The following FAM107B variants were observed in gnomAD, a reference collection of about 807,000 sequenced individuals.
The protein encoded by FAM107B is family with sequence similarity 107 member B.
Under a neutral mutation model 31.5 loss-of-function variants are expected in FAM107B, and 21 were observed. The ratio of observed to expected loss-of-function variants is 0.67; its 90% CI spans 0.47 to 0.96. The LOEUF (loss-of-function observed/expected upper bound fraction) is 0.96, where lower values mean the gene tolerates loss of function less well. FAM107B is among the 40% of genes least tolerant of loss of function. The pLI is 0.00. For missense variants in FAM107B, 452 were observed against 377.1 expected (o/e 1.20, Z -1.64); for synonymous variants, 157 against 141.5 (o/e 1.11, Z -0.78).
chr10:14,568,674 G>A (rs1386435773), intron 2 of FAM107B, among the ~76,000 whole-genome samples: 1 of 152,266 alleles, frequency 6.6e-6, no homozygotes, highest in Non-Finnish European at 1.5e-5. Context: ...TCGGGTAGGA[G>A]AAGGGTGGCT....
At chr10:14,700,415 T>G (rs982766649) in intron 1 of FAM107B, among the ~76,000 whole-genome samples, 1 of 152,132 alleles carries the variant, frequency 6.6e-6, no homozygotes, top group African/African-American at 2.4e-5. Context: ...CAGGAAATCG[T>G]TGTCACCATG....
At chr10:14,714,731 GACTTC>G (rs959802402) in intron 1 of FAM107B, among the ~76,000 whole-genome samples, 2 of 152,218 alleles carry the variant, frequency 1.3e-5, no homozygotes, top group African/African-American at 4.8e-5. Flanking sequence ...TAAAAGGGAT[GACTTC>G]ACTTGGAAAA....
At chr10:14,584,457 T>C (rs745991719) in intron 2 of FAM107B, among the ~76,000 whole-genome samples, 2 of 152,140 alleles carry the variant, frequency 1.3e-5, no homozygotes, top group African/African-American at 2.4e-5. Context: ...ATTTTCACCA[T>C]AAACAAAAAA....
At position 14,722,886 on chromosome 10, in the gene FAM107B, G is replaced by T. The variant is rs912024952; in HGVS notation, c.411+51367C>A. On this transcript the variant is annotated intron_variant, in intron 1 of 4. Coordinates refer to ENST00000181796, the MANE Select transcript of FAM107B (RefSeq NM_031453.4). ...TGGGTGTCATATCTCAGAAACCATT[G>T]CCTAATCCAAGGTCATGAAGACTTA... 5.9e-5 allele frequency among the ~76,000 whole-genome samples: 9 copies of T among 151,986 alleles called. No individual in the cohort carries two copies. The East Asian group carries it at 1.7e-3, about 29-fold the overall frequency.
intron 2 of FAM107B, among the ~76,000 whole-genome samples, chr10:14,603,768 G>A (rs1201146850): frequency 6.6e-6 from 1 of 152,088 alleles, no homozygotes; most frequent in African/African-American, 2.4e-5. Context: ...CACCGTCGGC[G>A]CGGGGCAAAC....
intron 4 of FAM107B, among the ~76,000 whole-genome samples, 190 bp downstream of exon 4, chr10:14,521,679 T>C (rs1301641034): frequency 6.6e-6 from 1 of 152,228 alleles, no homozygotes; most frequent in African/African-American, 2.4e-5. Context: ...GGATCTCTTT[T>C]AGGTCCTCAG....
intron 3 of FAM107B, among the ~76,000 whole-genome samples, chr10:14,524,025 C>T (rs1215028911): frequency 7.0e-6 from 1 of 142,656 alleles, no homozygotes; most frequent in African/African-American, 2.6e-5. Context: ...TGCCACCACG[C>T]CCAGCTCTAT....
intron 1 of FAM107B, among the ~76,000 whole-genome samples, chr10:14,712,198 T>C (rs1284596142): frequency 6.6e-6 from 1 of 152,198 alleles, no homozygotes; most frequent in Non-Finnish European, 1.5e-5. Flanking sequence ...GATGTGATTA[T>C]TACCCATTGC....
chr10:14,628,630 G>A (rs1202352252), intron 2 of FAM107B, among the ~76,000 whole-genome samples: 4 of 152,170 alleles, frequency 2.6e-5, no homozygotes, highest in South Asian at 2.1e-4. Context: ...GGTTAGATCC[G>A]AGTCAAGTCT....
In FAM107B at chr10:14,530,427, A is replaced by G. The variant is rs533924595; in HGVS notation, c.558T>C (p.Asn186=). The change falls in exon 3 of 5, where the codon AAT becomes AAC. Residue 186 remains asparagine (N), a synonymous_variant. Transcript: ENST00000181796. The part of the protein sequence containing the change: ...MAEPDYIEDD[N]PELIRPQKLI... Reference sequence around the variant, plus strand: ...GTTTCTGAGGCCTAATGAGTTCAGGATTGTCATCTTCTATGTAGTCTGGCT... The same window carrying G: ...GTTTCTGAGGCCTAATGAGTTCAGGGTTGTCATCTTCTATGTAGTCTGGCT... 7 of 1,614,034 alleles carry G rather than the reference A, an allele frequency of 4.3e-6. No homozygotes were observed. Among genetic ancestry groups the G allele is most frequent in the Middle Eastern group, 3.3e-4 (2 of 6,062 alleles).
intron 2 of FAM107B, among the ~76,000 whole-genome samples, chr10:14,578,503 GA>G (rs780331570): frequency 1.3e-5 from 2 of 151,830 alleles, no homozygotes; most frequent in Non-Finnish European, 2.9e-5. Flanking sequence ...CTTCACTGGG[GA>G]AAAAAAAGAG....
At chr10:14,645,294 T>C (rs1853725072) in intron 2 of FAM107B, among the ~76,000 whole-genome samples, 2 of 152,214 alleles carry the variant, frequency 1.3e-5, no homozygotes, top group African/African-American at 4.8e-5. Context: ...TGTCTCGCAT[T>C]CTCCACTTTA....
At chr10:14,620,636 C>T (rs1852986036) in intron 2 of FAM107B, among the ~76,000 whole-genome samples, 1 of 152,220 alleles carries the variant, frequency 6.6e-6, no homozygotes, top group African/African-American at 2.4e-5. Context: ...CACCCATCAA[C>T]CCGTCAACTA....
chr10:14,597,611 C>G (rs1277804594), intron 2 of FAM107B, among the ~76,000 whole-genome samples: 1 of 152,200 alleles, frequency 6.6e-6, no homozygotes, highest in Non-Finnish European at 1.5e-5. Flanking sequence ...CTCCAAGTGT[C>G]CCTGTGTCCG....
At chr10:14,646,237 T>C (rs550809917) in intron 2 of FAM107B, among the ~76,000 whole-genome samples, 6 of 152,178 alleles carry the variant, frequency 3.9e-5, no homozygotes, top group Non-Finnish European at 5.9e-5. Flanking sequence ...TTTGGTGACA[T>C]AGATGAATTA....
intron 1 of FAM107B, among the ~76,000 whole-genome samples, chr10:14,736,046 G>C (rs1356608157): frequency 6.6e-6 from 1 of 152,126 alleles, no homozygotes; most frequent in East Asian, 1.9e-4. Flanking sequence ...AAGGGAAAAG[G>C]GAAAAGAAGA....
At chr10:14,709,881 G>C (rs1017004986) in intron 1 of FAM107B, among the ~76,000 whole-genome samples, 1 of 152,112 alleles carries the variant, frequency 6.6e-6, no homozygotes, top group Non-Finnish European at 1.5e-5. Context: ...CAAAACTATG[G>C]AGACAGTAAA....
At position 14,774,415 on chromosome 10, in the gene FAM107B, T is replaced by C. The variant is rs770170936; in HGVS notation, c.249A>G (p.Ala83=). 34 of 1,614,138 alleles carry C rather than the reference T, an allele frequency of 2.1e-5. No homozygotes were observed. The highest frequency in any genetic ancestry group is 2.7e-5 in the African/African-American group (2 of 74,952). Residue 83 remains alanine, a synonymous_variant, in exon 1 of 5, where the codon GCA becomes GCG. Coordinates refer to ENST00000181796, the MANE Select transcript of FAM107B (RefSeq NM_031453.4). The stretch of plus-strand genomic sequence containing the variant: ...TCCGATTCGCACTGCCATTTCTCTC[T>C]GCATGGGTGCTCGAATCTTGCCTTT... ...PEKRQDSSTH[A]ERNGSANRNS... is the part of the protein sequence containing the mutation.
At chr10:14,564,290 C>T (rs1170900277) in intron 2 of FAM107B, among the ~76,000 whole-genome samples, 3 of 152,102 alleles carry the variant, frequency 2.0e-5, no homozygotes, top group African/African-American at 2.4e-5. Flanking sequence ...TGCTCCGAGA[C>T]GTTGAGCAGA....
Sources: allele counts gnomAD v4.1 joint callset (sites outside exome capture counted in the v4.1 genomes callset), GRCh38; gene constraint gnomAD v4.1.1; transcripts MANE v1.5; gene names NCBI Gene and HGNC (gene_info 2026-07-23, HGNC 2026-07-21).